The following SCAMP5 variants were observed in gnomAD, a reference collection of about 807,000 sequenced individuals.
SCAMP5 encodes the protein secretory carrier-associated membrane protein 5.
Under a neutral mutation model 28.3 loss-of-function variants are expected in SCAMP5, and 7 were observed. That is an observed-to-expected ratio of 0.25 (90% CI 0.14 to 0.46). The LOEUF (loss-of-function observed/expected upper bound fraction) is 0.46. Among genes scored for constraint, SCAMP5 ranks in the 20% least tolerant of loss-of-function variants. SCAMP5 has a pLI of 0.99. For missense variants in SCAMP5, 192 were observed against 312.5 expected, an observed-to-expected ratio of 0.61 and a Z score of 2.91; for synonymous variants, 117 against 116.4, an observed-to-expected ratio of 1.00 and a Z score of -0.03.
At chr15:75,008,898 A>T (rs898341310) in intron 1 of SCAMP5, among the ~76,000 whole-genome samples, 1 of 152,246 alleles carries the variant, frequency 6.6e-6, no homozygotes, top group African/African-American at 2.4e-5. Context: ...TAATGCAAAT[A>T]GTGTCATGTC....
intron 1 of SCAMP5, among the ~76,000 whole-genome samples, chr15:75,004,588 G>A (rs1289694734): frequency 6.6e-6 from 1 of 151,994 alleles, no homozygotes; most frequent in Non-Finnish European, 1.5e-5. Flanking sequence ...AAATTAGCTG[G>A]GCATGATGGC....
At position 75,016,758 on chromosome 15, in the gene SCAMP5, T is replaced by C; in HGVS notation, c.293+9T>C. Reference sequence around the variant, plus strand: ...ATTTACAAGGCCTTCAAGTAAGTGGTTGGTGCTATCCGCAGTGCCTAGCCG... The same window carrying C: ...ATTTACAAGGCCTTCAAGTAAGTGGCTGGTGCTATCCGCAGTGCCTAGCCG... On this transcript the variant is annotated intron_variant, in intron 4 of 6. Transcript: ENST00000425597. 6.2e-7 allele frequency: 1 copy of C among 1,612,418 alleles called. No homozygotes were observed. Among genetic ancestry groups the C allele is most frequent in the Non-Finnish European group, 8.5e-7 (1 of 1,178,946 alleles).
In SCAMP5 at chr15:74,995,595, G is replaced by C. The variant is rs1372585809; in HGVS notation, c.-127G>C. 1.4e-5 allele frequency: 2 copies of C among 144,080 alleles called. No individual in the cohort carries two copies. The highest frequency in any genetic ancestry group is 2.5e-5 in the African/African-American group (1 of 39,634). The allele number at this position is 144,080 out of a possible 1,614,324, so 8.9% of individuals were successfully genotyped here. On this transcript the variant is annotated 5_prime_UTR_variant, in exon 1 of 7. Coordinates refer to ENST00000425597, the MANE Select transcript of SCAMP5 (RefSeq NM_138967.4). The stretch of plus-strand genomic sequence containing the variant: ...CCCAGCCCCGGAGCGGCTCGCGGCC[G>C]GCTCCGCGCCGCATCGCTCGGGTGC...
At chr15:75,006,883 A>G (rs753484383) in intron 1 of SCAMP5, among the ~76,000 whole-genome samples, 5 of 152,010 alleles carry the variant, frequency 3.3e-5, no homozygotes, top group Non-Finnish European at 7.4e-5. Context: ...CGGAGGTTGC[A>G]GTGAGCTGAG....
Position 75,019,453 on chromosome 15 carries a change from C to T in SCAMP5, c.*470C>T, listed in dbSNP as rs1214380670. 7.0e-6 allele frequency: 1 copy of T among 141,940 alleles called. No homozygotes were observed. The highest frequency in any genetic ancestry group is 1.6e-5 in the Non-Finnish European group (1 of 64,318). 8.8% of individuals were successfully genotyped at this position (141,940 alleles called of 1,614,324 possible). ...GGAACTGTTTCTACTTTCAGTCTTCCTGGGAAGTAACAGTACTTAGCACTC... is the reference window on the plus strand; with the variant it reads ...GGAACTGTTTCTACTTTCAGTCTTCTTGGGAAGTAACAGTACTTAGCACTC... On this transcript the variant is annotated 3_prime_UTR_variant, in exon 7 of 7. Transcript: ENST00000425597.
In SCAMP5 at chr15:75,011,835, A is replaced by T; in HGVS notation, c.-5A>T. On this transcript the variant is annotated 5_prime_UTR_variant, in exon 2 of 7. Transcript: ENST00000425597. The stretch of plus-strand genomic sequence containing the variant: ...GGGCAGGCCACTGGGCCAGCTGGTA[A>T]CATCATGGCAGGTAAGGAGAGGGGC... 1 of 1,612,766 alleles carries T rather than the reference A, an allele frequency of 6.2e-7. No individual in the cohort carries two copies. Among genetic ancestry groups the T allele is most frequent in the South Asian group, 1.1e-5 (1 of 90,982 alleles).
At chr15:75,000,890 C>G (rs1057023206) in intron 1 of SCAMP5, among the ~76,000 whole-genome samples, 10 of 151,934 alleles carry the variant, frequency 6.6e-5, no homozygotes, top group African/African-American at 2.4e-4. Context: ...TTAAGTATGC[C>G]GTGCTATTGC....
chr15:75,004,365 G>A (rs896817721), intron 1 of SCAMP5, among the ~76,000 whole-genome samples: 5 of 152,110 alleles, frequency 3.3e-5, no homozygotes, highest in East Asian at 1.9e-4. Flanking sequence ...AAATTTTTTC[G>A]CAGAACCGTT....
At chr15:74,995,947 A>G (rs1032719567) in intron 1 of SCAMP5, 1 of 152,160 alleles carries the variant, frequency 6.6e-6, no homozygotes, top group Non-Finnish European at 1.5e-5. Context: ...CCTTTGGGTG[A>G]CGTCAGACCC....
Position 75,018,689 on chromosome 15 carries a change from AG to A in SCAMP5, c.514-97del. On this transcript the variant is annotated intron_variant, in intron 6 of 6. Transcript: ENST00000425597. This position sits in a 1 kb window ranked among gnomAD's most constrained non-coding sequence, Gnocchi z 5.6. ...CTCTCCTACAGAGGCATTCATGGGG[AG>A]GGAGCACTGTTTTTTTTTTACAGAT... The A allele has an allele frequency of 9.5e-7, 1 of 1,047,236 alleles. No individual in the cohort carries two copies. The highest frequency in any genetic ancestry group is 1.5e-6 in the Non-Finnish European group (1 of 680,318). The allele number at this position is 1,047,236 out of a possible 1,614,324, so 64.9% of individuals were successfully genotyped here.
chr15:75,008,579 A>G (rs576163812), intron 1 of SCAMP5, among the ~76,000 whole-genome samples: 1 of 150,730 alleles, frequency 6.6e-6, no homozygotes, highest in Non-Finnish European at 1.5e-5. Context: ...GGCTCACTGC[A>G]ACCTCCGCCT....
At chr15:75,017,459 C>G (rs2065868942) in intron 4 of SCAMP5, among the ~76,000 whole-genome samples, 1 of 152,244 alleles carries the variant, frequency 6.6e-6, no homozygotes, top group Admixed American at 6.5e-5. Context: ...AATAGGGTGT[C>G]CATTCTAGTT....
intron 1 of SCAMP5, among the ~76,000 whole-genome samples, chr15:74,999,166 C>G (rs578125293): frequency 1.2e-4 from 19 of 152,322 alleles, no homozygotes; most frequent in Middle Eastern, 3.4e-3. Flanking sequence ...TAGTATTTCT[C>G]TCTGACCACA....
chr15:75,015,210 C>G (rs774819347), intron 3 of SCAMP5, among the ~76,000 whole-genome samples: 74 of 152,178 alleles, frequency 4.9e-4, no homozygotes, highest in Non-Finnish European at 9.7e-4. Context: ...GACAGGACCA[C>G]AGATGCCTGG....
Position 75,018,731 on chromosome 15 carries a change from C to G in SCAMP5, c.514-58C>G. On this transcript the variant is annotated intron_variant, in intron 6 of 6. Transcript: ENST00000425597. The surrounding 1 kb of genome is among the most constrained non-coding windows in gnomAD (Gnocchi z 5.6). Reference sequence around the variant, plus strand: ...TTTTACAGATGGGTCCCATCTATTTCCTGGATGGGCTGCCTTTTCTCTTTG... The same window carrying G: ...TTTTACAGATGGGTCCCATCTATTTGCTGGATGGGCTGCCTTTTCTCTTTG... The G allele has an allele frequency of 7.5e-7, 1 of 1,337,672 alleles. No individual in the cohort carries two copies. The highest frequency in any genetic ancestry group is 1.1e-6 in the Non-Finnish European group (1 of 937,508). 82.9% of individuals were successfully genotyped at this position (1,337,672 alleles called of 1,614,324 possible).
intron 1 of SCAMP5, chr15:75,007,670 A>G (rs2065773284): frequency 1.3e-5 from 2 of 152,316 alleles, no homozygotes; most frequent in African/African-American, 4.8e-5. Flanking sequence ...GGTTCAATCA[A>G]TTCTCCTGCT....
chr15:75,011,121 C>T (rs758604664), intron 1 of SCAMP5, among the ~76,000 whole-genome samples: 15 of 152,026 alleles, frequency 9.9e-5, no homozygotes, highest in Non-Finnish European at 1.9e-4. Flanking sequence ...TGGAGGATCA[C>T]CTGAGCCTGG....
At position 75,019,260 on chromosome 15, in the gene SCAMP5, TGGA is replaced by T. The variant is rs1038617826; in HGVS notation, c.*280_*282del. On this transcript the variant is annotated 3_prime_UTR_variant, in exon 7 of 7. Transcript: ENST00000425597. ...TGTCCCCTCGTGAAATAGTGTGCAG[TGGA>T]GGTCTCTTGTGGTGCTAGATGTGTG... 3 of 234,626 alleles carry T rather than the reference TGGA, an allele frequency of 1.3e-5. No homozygotes were observed. The highest frequency in any genetic ancestry group is 1.6e-5 in the Non-Finnish European group (2 of 123,902). 14.5% of individuals were successfully genotyped at this position (234,626 alleles called of 1,614,324 possible).
At chr15:75,017,483 C>A (rs539280261) in intron 4 of SCAMP5, among the ~76,000 whole-genome samples, 43 of 152,178 alleles carry the variant, frequency 2.8e-4, no homozygotes, top group Admixed American at 1.3e-4. Flanking sequence ...ATGAGACTTT[C>A]TATCTCTGAG....
Sources: allele counts gnomAD v4.1 joint callset (sites outside exome capture counted in the v4.1 genomes callset), GRCh38; gene constraint gnomAD v4.1.1; non-coding constraint Gnocchi (gnomAD v3.1); transcripts MANE v1.5; gene names NCBI Gene and HGNC (gene_info 2026-07-23, HGNC 2026-07-21).